The following PROSER3 variants were observed in gnomAD, a reference collection of about 807,000 sequenced individuals.
PROSER3 encodes proline and serine-rich protein 3.
A neutral mutation model predicts 50.2 loss-of-function variants in PROSER3; 33 were observed. That is an observed-to-expected ratio of 0.66 (90% CI 0.50 to 0.88). The LOEUF (loss-of-function observed/expected upper bound fraction) is 0.88, where lower values mean the gene tolerates loss of function less well. Ranked by LOEUF, PROSER3 falls within the 40% of genes least tolerant of loss-of-function variation. The pLI, the probability that PROSER3 is intolerant of heterozygous loss-of-function variation, is 0.00. For missense variants in PROSER3, 623 were observed against 612.7 expected, an observed-to-expected ratio of 1.02 and a Z score of -0.18; for synonymous variants, 266 against 259.3, an observed-to-expected ratio of 1.03 and a Z score of -0.25.
exon 7 of PROSER3, chr19:35,765,072 G>A (rs1273361014): frequency 6.2e-7 from 1 of 1,613,862 alleles, no homozygotes; most frequent in South Asian, 1.1e-5. Flanking sequence ...CTCAGCCCCA[G>A]CGATGCCAGC....
exon 1 of PROSER3, chr19:35,758,220 A>G (rs1191075818): frequency 1.7e-5 from 26 of 1,562,174 alleles, no homozygotes; most frequent in Non-Finnish European, 2.1e-5. Flanking sequence ...CGCGGGATGG[A>G]CCGCAGGTGA....
At chr19:35,769,181 G>A (rs1971271228) in exon 11 of PROSER3, 1 of 152,098 alleles carries the variant, frequency 6.6e-6, no homozygotes, top group Admixed American at 6.6e-5. Context: ...CCTAGACCTG[G>A]CCACGAAACC....
At chr19:35,758,475 C>A in intron 1 of PROSER3, 1 of 417,652 alleles carries the variant, frequency 2.4e-6, no homozygotes, top group Non-Finnish European at 4.2e-6. Flanking sequence ...TAAAGGTGTC[C>A]AAGAAAGGCT....
intron 10 of PROSER3, 84 bp downstream of exon 10, chr19:35,768,320 C>T (rs1971241825): frequency 1.9e-6 from 3 of 1,556,666 alleles, no homozygotes; most frequent in African/African-American, 2.7e-5. Flanking sequence ...CCCTCCTCAT[C>T]CCCTGTCCCA....
intron 5 of PROSER3, among the ~76,000 whole-genome samples, chr19:35,763,798 G>T (rs544566099): frequency 6.9e-6 from 1 of 144,264 alleles, no homozygotes; most frequent in South Asian, 2.2e-4. Flanking sequence ...GAGCCACCGC[G>T]CCCGGCCTTC....
At chr19:35,758,331 T>C in intron 1 of PROSER3, 105 bp downstream of exon 1, 1 of 1,370,704 alleles carries the variant, frequency 7.3e-7, no homozygotes, top group Non-Finnish European at 9.7e-7. Flanking sequence ...TCGCTAGGGC[T>C]CCACCGCACT....
At chr19:35,767,447 A>C in intron 8 of PROSER3, 1 of 240,448 alleles carries the variant, frequency 4.2e-6, no homozygotes. Flanking sequence ...CCTGGCCTGT[A>C]CCCCTGCACC....
exon 11 of PROSER3, chr19:35,768,417 C>G (rs375920305): frequency 1.3e-6 from 2 of 1,596,872 alleles, no homozygotes; most frequent in Admixed American, 1.7e-5. Context: ...AGCGGATGCC[C>G]GATTATCGTT....
intron 5 of PROSER3, among the ~76,000 whole-genome samples, chr19:35,764,383 G>A (rs1446344403): frequency 1.3e-5 from 2 of 152,036 alleles, no homozygotes; most frequent in African/African-American, 4.8e-5. Context: ...TCCACCGGGC[G>A]CGGTGGCTCA....
At chr19:35,767,345 C>G in intron 8 of PROSER3, 2 of 277,738 alleles carry the variant, frequency 7.2e-6, no homozygotes, top group Non-Finnish European at 1.4e-5. Context: ...CCTCGCGCCC[C>G]CGGCTTCCCT....
intron 3 of PROSER3, among the ~76,000 whole-genome samples, chr19:35,760,387 C>G (rs1027589754): frequency 6.6e-6 from 1 of 152,068 alleles, no homozygotes; most frequent in Non-Finnish European, 1.5e-5. Flanking sequence ...CAGCAAACCT[C>G]CCACCTTGGC....
rs374829741 is a variant in PROSER3, at chr19:35,758,238, C to G, written c.11+12C>G. Reference sequence around the variant, plus strand: ...GGGATGGACCGCAGGTGAGGCCGATCGCTCTTCCAGGGACTACAGGAGGCT... The same window carrying G: ...GGGATGGACCGCAGGTGAGGCCGATGGCTCTTCCAGGGACTACAGGAGGCT... On this transcript the variant is annotated intron_variant, in intron 1 of 10. Coordinates refer to ENST00000396908, the Ensembl canonical transcript of PROSER3. 3 of 1,562,222 alleles carry G rather than the reference C, an allele frequency of 1.9e-6. No homozygotes were observed. Among genetic ancestry groups the G allele is most frequent in the East Asian group, 2.4e-5 (1 of 41,868 alleles).
exon 3 of PROSER3, chr19:35,759,962 G>A (rs1333812323): frequency 6.2e-7 from 1 of 1,603,088 alleles, no homozygotes; most frequent in Admixed American, 1.7e-5. Context: ...CACCCACCCT[G>A]ATTGACAGCG....
intron 8 of PROSER3, chr19:35,767,274 T>C: frequency 3.0e-6 from 1 of 336,704 alleles, no homozygotes; most frequent in Non-Finnish European, 5.4e-6. Flanking sequence ...GGGCCTTGGG[T>C]ATCCCTTGGG....
intron 5 of PROSER3, among the ~76,000 whole-genome samples, chr19:35,763,505 C>CTTTT (rs1314409508): frequency 7.3e-6 from 1 of 136,724 alleles, no homozygotes. Flanking sequence ...CAAGCCCGGC[C>CTTTT]TTTTTTTTTT....
chr19:35,762,532 G>T, intron 5 of PROSER3, 176 bp downstream of exon 5: 7 of 407,932 alleles, frequency 1.7e-5, no homozygotes, highest in East Asian at 8.2e-5. Flanking sequence ...GACATGGTGA[G>T]ATTCTGCCTC....
chr19:35,764,898 G>A, exon 6 of PROSER3: 9 of 1,613,762 alleles, frequency 5.6e-6, no homozygotes, highest in Non-Finnish European at 7.6e-6. Context: ...TGGAGACGCT[G>A]AGCCTACAGA....
At chr19:35,763,521 T>TTTAATTAGATA (rs1186798600) in intron 5 of PROSER3, among the ~76,000 whole-genome samples, 1 of 147,714 alleles carries the variant, frequency 6.8e-6, no homozygotes, top group African/African-American at 2.5e-5. Flanking sequence ...TTTTTTTTTT[T>TTTAATTAGATA]GAGACGGAGT....
chr19:35,760,175 T>G (rs1425083618), intron 3 of PROSER3, among the ~76,000 whole-genome samples, 184 bp downstream of exon 3: 1 of 152,180 alleles, frequency 6.6e-6, no homozygotes, highest in Non-Finnish European at 1.5e-5. Context: ...GTCATTTAAC[T>G]CTCTGTATGA....
Sources: gnomAD v4.1 joint callset for allele counts (sites outside exome capture counted in the v4.1 genomes callset) on GRCh38, gnomAD v4.1.1 for gene constraint, MANE v1.5 for transcripts, NCBI Gene and HGNC (gene_info 2026-07-23, HGNC 2026-07-21) for gene names.